Variants in PRDM4 observed in about 807,000 individuals in gnomAD.
PRDM4 encodes the protein PR domain zinc finger protein 4.
PRDM4 carries 38 observed loss-of-function variants against 62.3 expected under a neutral mutation model. The observed-to-expected ratio is 0.61, with a 90% CI of 0.47 to 0.80. The LOEUF is 0.80. Ranked by LOEUF, PRDM4 falls within the 30% of genes least tolerant of loss-of-function variation. PRDM4 has a pLI of 0.00. For missense variants in PRDM4, 858 were observed against 997.1 expected, an observed-to-expected ratio of 0.86 and a Z score of 1.88; for synonymous variants, 339 against 348.2, an observed-to-expected ratio of 0.97 and a Z score of 0.30.
chr12:107,734,665 C>G, intron 11 of PRDM4, 143 bp from the exon 12 acceptor site: 1 of 732,902 alleles, frequency 1.4e-6, no homozygotes, highest in Non-Finnish European at 2.3e-6. Flanking sequence ...ATACAGAAGA[C>G]TCATAAAACA....
rs1331632676 is a variant in PRDM4, at chr12:107,746,381, T to G, written c.1170A>C (p.Glu390Asp). The G allele has an allele frequency of 6.2e-7, 1 of 1,613,332 alleles. No individual in the cohort carries two copies. The highest frequency in any genetic ancestry group is 1.3e-5 in the African/African-American group (1 of 74,914). Residue 390 changes from glutamate (E) to aspartate (D), a missense_variant, in exon 6 of 12, where the codon GAA (glutamate) becomes GAC (aspartate). Coordinates refer to ENST00000228437, the MANE Select transcript of PRDM4 (RefSeq NM_012406.4). ...CAGGAACAAAAGTCACTGGTCCATG[T>G]TCGGGACAGTCCGAGGGATAGGCGC... ...CDRAYPSDCP[E>D]HGPVTFVPDT...
chr12:107,745,217 A>G (rs1018984114), intron 6 of PRDM4, among the ~76,000 whole-genome samples: 22 of 152,188 alleles, frequency 1.4e-4, no homozygotes, highest in African/African-American at 5.3e-4. Context: ...GAATTCCTGA[A>G]CCTAGTTTTA....
intron 11 of PRDM4, among the ~76,000 whole-genome samples, chr12:107,738,944 T>C (rs1890427347): frequency 6.6e-6 from 1 of 151,484 alleles, no homozygotes; most frequent in South Asian, 2.1e-4. Context: ...TGGCAGGGGC[T>C]GGCAGATCCT....
Position 107,741,261 on chromosome 12 carries a change from C to A in PRDM4, c.1610-1G>T. On this transcript the variant is annotated splice_acceptor_variant, in intron 9 of 11. Coordinates refer to ENST00000228437, the MANE Select transcript of PRDM4 (RefSeq NM_012406.4). LOFTEE classifies it high-confidence loss of function. ...TGCACATCTGGGTGTTCAGGAACAC[C>A]TTTTAAAAAAAAATTACTCATTATC... 1 of 1,587,686 alleles carries A rather than the reference C, an allele frequency of 6.3e-7. No homozygotes were observed. The highest frequency in any genetic ancestry group is 1.8e-5 in the Admixed American group (1 of 55,514).
Position 107,742,940 on chromosome 12 carries a change from ACTT to A in PRDM4, c.1481+254_1481+256del, listed in dbSNP as rs1890567768. 2.6e-5 allele frequency among the ~76,000 whole-genome samples: 4 copies of A among 151,850 alleles called. No individual in the cohort carries two copies. The South Asian group carries it at 8.3e-4, about 32-fold the overall frequency. ...ACAACACCCAGCTAATTTGAAAAAA[ACTT>A]TTTTTAGAGATGAGGGTCTTGCTAT... On this transcript the variant is annotated intron_variant, in intron 8 of 11. Transcript: ENST00000228437.
intron 7 of PRDM4, among the ~76,000 whole-genome samples, chr12:107,744,062 T>C (rs35531735): frequency 0.3 from 45,068 of 151,172 alleles, 8,239 homozygotes; most frequent in Middle Eastern, 0.43. Context: ...GGCAGTAAGC[T>C]AAGATTGTAC....
Position 107,756,836 on chromosome 12 carries a change from G to C in PRDM4, c.141C>G (p.Ala47=), listed in dbSNP as rs1363338578. 3 of 1,613,936 alleles carry C rather than the reference G, an allele frequency of 1.9e-6. No homozygotes were observed. The highest frequency in any genetic ancestry group is 1.7e-5 in the Admixed American group (1 of 59,988). ...TAGGTCTCCCTTACCACTCACCTGG[G>C]GCAGGGATGGCACTGTGAGTGGGTG... ...AASPTHSAIP[A]PGLPVAIPNL... is the part of the protein sequence containing the mutation. Residue 47 remains alanine (A), a synonymous_variant, in exon 3 of 12, where the codon GCC becomes GCG. Coordinates refer to ENST00000228437, the MANE Select transcript of PRDM4 (RefSeq NM_012406.4).
At chr12:107,757,168 C>T (rs1011476614) in intron 2 of PRDM4, among the ~76,000 whole-genome samples, 2 of 152,222 alleles carry the variant, frequency 1.3e-5, no homozygotes, top group Admixed American at 1.3e-4. Flanking sequence ...ACATTAAAAA[C>T]TCAATTCAAT....
intron 7 of PRDM4, among the ~76,000 whole-genome samples, chr12:107,743,600 T>C (rs949652273): frequency 6.6e-6 from 1 of 152,184 alleles, no homozygotes; most frequent in East Asian, 1.9e-4. Context: ...TATCACACAG[T>C]AGGCACTGAA....
At chr12:107,760,121 T>A (rs1891192305) in intron 2 of PRDM4, among the ~76,000 whole-genome samples, 1 of 152,198 alleles carries the variant, frequency 6.6e-6, no homozygotes, top group Non-Finnish European at 1.5e-5. Flanking sequence ...AACATCAGCA[T>A]GAAGCTTGCA....
At chr12:107,746,199 A>G in intron 6 of PRDM4, 76 bp downstream of exon 6, 1 of 1,531,964 alleles carries the variant, frequency 6.5e-7, no homozygotes, top group African/African-American at 1.4e-5. Context: ...ACTAAATTAT[A>G]CACATCCACT....
intron 5 of PRDM4, 138 bp from the exon 6 acceptor site, chr12:107,746,562 G>C (rs1487617523): frequency 4.4e-6 from 3 of 679,588 alleles, no homozygotes; most frequent in Non-Finnish European, 6.8e-6. Flanking sequence ...TTGGCTCACT[G>C]CAACCTCTGC....
chr12:107,742,889 A>AAG (rs1335675065), intron 8 of PRDM4, among the ~76,000 whole-genome samples: 1 of 151,126 alleles, frequency 6.6e-6, no homozygotes, highest in Non-Finnish European at 1.5e-5. Flanking sequence ...TCAGCCTCCC[A>AAG]AGAGCTGGGA....
intron 5 of PRDM4, among the ~76,000 whole-genome samples, 153 bp from the exon 6 acceptor site, chr12:107,746,577 C>T (rs763800533): frequency 5.3e-5 from 8 of 151,990 alleles, no homozygotes; most frequent in African/African-American, 1.5e-4. Context: ...CTCTGCCTCC[C>T]GGGTATAAGC....
At chr12:107,754,492 C>G (rs1040328919) in intron 3 of PRDM4, among the ~76,000 whole-genome samples, 9 of 152,088 alleles carry the variant, frequency 5.9e-5, no homozygotes, top group Non-Finnish European at 1.3e-4. Context: ...AAGCAATTCT[C>G]CTACCTCAGC....
At chr12:107,753,887 C>T in intron 4 of PRDM4, 37 bp downstream of exon 4, 1 of 1,561,412 alleles carries the variant, frequency 6.4e-7, no homozygotes. Context: ...TGGCGCCGTT[C>T]TTTTTCTCTA....
intron 4 of PRDM4, among the ~76,000 whole-genome samples, chr12:107,752,563 T>C (rs578069423): frequency 4.6e-5 from 7 of 152,026 alleles, no homozygotes; most frequent in Non-Finnish European, 1.0e-4. Context: ...AGATCTTCCA[T>C]GTGAAAAATA....
intron 5 of PRDM4, among the ~76,000 whole-genome samples, chr12:107,747,045 G>A (rs1890730726): frequency 6.6e-6 from 1 of 152,012 alleles, no homozygotes; most frequent in Non-Finnish European, 1.5e-5. Flanking sequence ...AGTTTGGGAG[G>A]CTGAGAAGGG....
At chr12:107,743,994 A>T (rs1314238669) in intron 7 of PRDM4, among the ~76,000 whole-genome samples, 2 of 152,096 alleles carry the variant, frequency 1.3e-5, no homozygotes, top group South Asian at 2.1e-4. Context: ...AGTGCCTGTA[A>T]ATTCAGCTAC....
Sources: allele counts gnomAD v4.1 joint callset (sites outside exome capture counted in the v4.1 genomes callset), GRCh38; gene constraint gnomAD v4.1.1; transcripts MANE v1.5; gene names NCBI Gene and HGNC (gene_info 2026-07-23, HGNC 2026-07-21).